Variants in GPHN observed in about 807,000 individuals in gnomAD.
GPHN encodes the protein gephyrin.
GPHN carries 17 observed loss-of-function variants against 95.5 expected under a neutral mutation model. The observed-to-expected ratio is 0.18, with a 90% CI of 0.12 to 0.27. The LOEUF (loss-of-function observed/expected upper bound fraction) is 0.27, where lower values mean the gene tolerates loss of function less well. Ranked by LOEUF, GPHN falls within the 10% of genes least tolerant of loss-of-function variation. The pLI, the probability that GPHN is intolerant of heterozygous loss-of-function variation, is 1.00. For missense variants in GPHN, 660 were observed against 978.1 expected, an observed-to-expected ratio of 0.67 and a Z score of 4.34; for synonymous variants, 320 against 322.5, an observed-to-expected ratio of 0.99 and a Z score of 0.08.
intron 1 of GPHN, among the ~76,000 whole-genome samples, chr14:66,615,473 C>CTTTTTTTTTTT (rs59401816): frequency 7.4e-6 from 1 of 135,920 alleles, no homozygotes; most frequent in African/African-American, 2.7e-5. Context: ...TGGTGTTGAG[C>CTTTTTTTTTTT]TTTTTTTTTT....
intron 2 of GPHN, among the ~76,000 whole-genome samples, chr14:66,685,566 T>G (rs2067294826): frequency 6.6e-6 from 1 of 152,240 alleles, no homozygotes; most frequent in African/African-American, 2.4e-5. Flanking sequence ...GAAGTGTCTG[T>G]TCATATCCTT....
chr14:66,748,227 T>G (rs567940951), intron 2 of GPHN, among the ~76,000 whole-genome samples: 1 of 152,208 alleles, frequency 6.6e-6, no homozygotes, highest in East Asian at 1.9e-4. Flanking sequence ...ACTTTTACTA[T>G]AGTACTTATT....
intron 1 of GPHN, among the ~76,000 whole-genome samples, chr14:66,579,241 C>A (rs1389241715): frequency 6.6e-6 from 1 of 151,562 alleles, no homozygotes; most frequent in East Asian, 1.9e-4. Flanking sequence ...CATACCACAA[C>A]AGAGAATCAT....
the GPHN span, among the ~76,000 whole-genome samples, chr14:67,505,773 C>T: frequency 2.0e-5 from 3 of 151,514 alleles, no homozygotes; most frequent in Admixed American, 1.3e-4. Flanking sequence ...GTGGTGCGAT[C>T]TCAGCTCACT....
the GPHN span, among the ~76,000 whole-genome samples, chr14:67,624,111 G>A: frequency 1.3e-5 from 2 of 152,180 alleles, no homozygotes; most frequent in Non-Finnish European, 2.9e-5. Flanking sequence ...CATTGCTCTG[G>A]CAAGGCTGAG....
intron 1 of GPHN, among the ~76,000 whole-genome samples, chr14:66,619,186 G>A (rs551324793): frequency 6.6e-6 from 1 of 152,094 alleles, no homozygotes; most frequent in Non-Finnish European, 1.5e-5. Flanking sequence ...CAAATAAAAT[G>A]TACATGTGTA....
At chr14:66,772,219 T>C (rs1399430431) in intron 2 of GPHN, among the ~76,000 whole-genome samples, 1 of 152,172 alleles carries the variant, frequency 6.6e-6, no homozygotes, top group Non-Finnish European at 1.5e-5. Flanking sequence ...AATTCTAACC[T>C]CTAGAATATA....
At chr14:66,876,133 C>T (rs1052468798) in intron 4 of GPHN, among the ~76,000 whole-genome samples, 1 of 152,082 alleles carries the variant, frequency 6.6e-6, no homozygotes, top group Non-Finnish European at 1.5e-5. Flanking sequence ...ACTGAAAAAC[C>T]TGCTCCTGAA....
At chr14:67,476,564 G>A in the GPHN span, among the ~76,000 whole-genome samples, 1 of 151,772 alleles carries the variant, frequency 6.6e-6, no homozygotes, top group Admixed American at 6.6e-5. Flanking sequence ...TCCAGCCTGG[G>A]CAACAGAGCA....
At chr14:67,123,552 T>C (rs984000057) in intron 17 of GPHN, among the ~76,000 whole-genome samples, 1 of 152,158 alleles carries the variant, frequency 6.6e-6, no homozygotes, top group Non-Finnish European at 1.5e-5. Flanking sequence ...GGTACACATC[T>C]GTAATCCCAG....
intron 10 of GPHN, among the ~76,000 whole-genome samples, chr14:67,047,224 T>A (rs1038043083): frequency 6.6e-6 from 1 of 152,120 alleles, no homozygotes; most frequent in Non-Finnish European, 1.5e-5. Context: ...CTTGAGGTTC[T>A]GAATTTAATC....
chr14:67,459,371 G>C, the GPHN span, among the ~76,000 whole-genome samples: 6 of 152,176 alleles, frequency 3.9e-5, no homozygotes, highest in African/African-American at 1.4e-4. Flanking sequence ...CTAACCATTA[G>C]AGTCTGATAG....
intron 1 of GPHN, among the ~76,000 whole-genome samples, chr14:66,521,259 A>G (rs1384241780): frequency 6.6e-6 from 1 of 151,858 alleles, no homozygotes; most frequent in Non-Finnish European, 1.5e-5. Context: ...GGTCAGAGGA[A>G]ATTTTTTTTT....
chr14:67,399,649 T>G, the GPHN span, among the ~76,000 whole-genome samples: 3 of 146,626 alleles, frequency 2.0e-5, no homozygotes, highest in Non-Finnish European at 4.4e-5. Flanking sequence ...TAGGTGGTTC[T>G]CAGGTGGCAG....
the GPHN span, chr14:67,727,041 T>C: frequency 6.2e-7 from 1 of 1,613,808 alleles, no homozygotes; most frequent in Non-Finnish European, 8.5e-7. Flanking sequence ...CCTGCACGGG[T>C]GGTTAATGTG....
the GPHN span, among the ~76,000 whole-genome samples, chr14:67,640,459 T>C: frequency 3.9e-5 from 6 of 152,236 alleles, no homozygotes; most frequent in Non-Finnish European, 5.9e-5. Flanking sequence ...TCATGGCTTT[T>C]TGTTATGGTC....
chr14:67,619,812 C>T, the GPHN span: 12 of 558,130 alleles, frequency 2.2e-5, no homozygotes, highest in Non-Finnish European at 3.8e-5. Flanking sequence ...AGAAGGTGTG[C>T]CGGGGGCTGG....
chr14:66,632,512 G>C (rs1331884782), intron 1 of GPHN, among the ~76,000 whole-genome samples: 1 of 60,072 alleles, frequency 1.7e-5, no homozygotes, highest in Non-Finnish European at 5.6e-5. Context: ...TTTTTTTTTT[G>C]GGATGGAGTT....
At chr14:66,734,782 A>T (rs974375609) in intron 2 of GPHN, among the ~76,000 whole-genome samples, 1 of 152,230 alleles carries the variant, frequency 6.6e-6, no homozygotes, top group African/African-American at 2.4e-5. Context: ...TCTGAAAACC[A>T]TAATCCGTAT....
Sources: allele counts gnomAD v4.1 joint callset (sites outside exome capture counted in the v4.1 genomes callset), GRCh38; gene constraint gnomAD v4.1.1; transcripts MANE v1.5; gene names NCBI Gene and HGNC (gene_info 2026-07-23, HGNC 2026-07-21).